The following PRIM2 variants were observed in gnomAD, a reference collection of about 807,000 sequenced individuals.
The protein encoded by PRIM2 is DNA primase subunit 2, also known as DNA primase large subunit.
A neutral mutation model predicts 67.3 loss-of-function variants in PRIM2; 39 were observed. That is an observed-to-expected ratio of 0.58 (90% CI 0.45 to 0.76). The LOEUF (loss-of-function observed/expected upper bound fraction) is 0.76. PRIM2 is among the 30% of genes least tolerant of loss of function. The pLI is 0.00. For synonymous variants in PRIM2, 143 were observed against 198.7 expected (o/e 0.72, Z 2.36); for missense variants, 398 against 598.7 (o/e 0.66, Z 3.50).
At chr6:57,358,911 C>G (rs966532195) in intron 5 of PRIM2, among the ~76,000 whole-genome samples, 4 of 152,132 alleles carry the variant, frequency 2.6e-5, no homozygotes, top group African/African-American at 7.2e-5. Context: ...GTCACCACCC[C>G]TTGAATCTCA....
At chr6:57,504,738 C>T (rs1488677377) in intron 7 of PRIM2, among the ~76,000 whole-genome samples, 2 of 152,028 alleles carry the variant, frequency 1.3e-5, no homozygotes, top group Non-Finnish European at 2.9e-5. Context: ...AAGCCAAAGT[C>T]GATTTAACCT....
At chr6:57,348,345 T>C (rs1768746043) in intron 5 of PRIM2, among the ~76,000 whole-genome samples, 1 of 152,216 alleles carries the variant, frequency 6.6e-6, no homozygotes, top group Admixed American at 6.5e-5. Context: ...AGGCAGTAGG[T>C]AAAAAATATA....
intron 10 of PRIM2, among the ~76,000 whole-genome samples, chr6:57,573,919 A>G (rs1775913601): frequency 6.6e-6 from 1 of 152,024 alleles, no homozygotes; most frequent in Non-Finnish European, 1.5e-5. Flanking sequence ...CTCTTCTGCT[A>G]TGGCTTTGGA....
chr6:57,421,636 T>G (rs1771469909), intron 7 of PRIM2, among the ~76,000 whole-genome samples: 1 of 152,228 alleles, frequency 6.6e-6, no homozygotes, highest in African/African-American at 2.4e-5. Flanking sequence ...TTTACATTTT[T>G]GCCAGACTAT....
In PRIM2 at chr6:57,646,046, C is replaced by T. The variant is rs1208019609; in HGVS notation, c.1418C>T (p.Pro473Leu). 1 of 1,602,908 alleles carries T rather than the reference C, an allele frequency of 6.2e-7. No homozygotes were observed. The highest frequency in any genetic ancestry group is 1.3e-5 in the African/African-American group (1 of 74,642). Residue 473 changes from proline (P) to leucine (L), a missense_variant, in exon 14 of 14, where the codon CCC becomes CTC. Transcript: ENST00000615550. ...CCTATCCAACCAGAAACTCCTCAAC[C>T]CAAACCAAGTGTCCAGAAAACCAAG... ...KEPIQPETPQ[P>L]KPSVQKTKDA...
intron 13 of PRIM2, 39 bp from the exon 14 acceptor site, chr6:57,645,889 G>A: frequency 8.7e-7 from 1 of 1,143,544 alleles, no homozygotes; most frequent in Non-Finnish European, 1.3e-6. Context: ...TTATAGCTTT[G>A]CCATGCATTA....
At chr6:57,549,839 A>C (rs2127474511) in intron 10 of PRIM2, among the ~76,000 whole-genome samples, 1 of 152,276 alleles carries the variant, frequency 6.6e-6, no homozygotes, top group South Asian at 2.1e-4. Context: ...TAATCCCAGC[A>C]CTTTGGGAGG....
intron 10 of PRIM2, among the ~76,000 whole-genome samples, chr6:57,560,067 A>G (rs1775597554): frequency 6.6e-6 from 1 of 152,224 alleles, no homozygotes; most frequent in Non-Finnish European, 1.5e-5. Flanking sequence ...GCTGTTTGAT[A>G]GCATTTTACC....
chr6:57,336,733 T>A (rs866747299), intron 5 of PRIM2, among the ~76,000 whole-genome samples: 2 of 152,076 alleles, frequency 1.3e-5, no homozygotes, highest in Admixed American at 6.5e-5. Flanking sequence ...AAGGAACAAC[T>A]GGTACCAGCC....
the PRIM2 span, among the ~76,000 whole-genome samples, chr6:57,223,437 A>AT: frequency 6.6e-6 from 1 of 152,202 alleles, no homozygotes; most frequent in South Asian, 2.1e-4. Context: ...CTGTACTCTT[A>AT]TGCACATTTT....
chr6:57,301,471 G>A, the PRIM2 span, among the ~76,000 whole-genome samples: 3 of 152,130 alleles, frequency 2.0e-5, no homozygotes, highest in Non-Finnish European at 2.9e-5. Context: ...TGGGCAGCAA[G>A]AGCAAAATTC....
chr6:57,414,235 A>T (rs555893420), intron 7 of PRIM2, among the ~76,000 whole-genome samples: 1 of 152,260 alleles, frequency 6.6e-6, no homozygotes, highest in East Asian at 1.9e-4. Flanking sequence ...TATCTTCTTC[A>T]AAGGATGCAC....
At chr6:57,412,500 C>G (rs1771120368) in intron 7 of PRIM2, among the ~76,000 whole-genome samples, 1 of 151,940 alleles carries the variant, frequency 6.6e-6, no homozygotes, top group East Asian at 1.9e-4. Context: ...TGTCTTGAAG[C>G]TCTTGATACA....
intron 5 of PRIM2, among the ~76,000 whole-genome samples, chr6:57,327,869 G>A (rs1323554974): frequency 2.0e-5 from 3 of 152,158 alleles, no homozygotes; most frequent in Non-Finnish European, 4.4e-5. Flanking sequence ...ACGGACTGAG[G>A]TCGGGGGATG....
At chr6:57,541,382 C>G (rs1261891484) in intron 10 of PRIM2, among the ~76,000 whole-genome samples, 1 of 152,030 alleles carries the variant, frequency 6.6e-6, no homozygotes, top group African/African-American at 2.4e-5. Context: ...AGCTACTGTG[C>G]CTGGCCTATT....
At chr6:57,320,306 G>A in intron 2 of PRIM2, 151 bp from the exon 3 acceptor site, 1 of 542,790 alleles carries the variant, frequency 1.8e-6, no homozygotes, top group Non-Finnish European at 3.3e-6. Flanking sequence ...ATAAGCATAT[G>A]TAGTTTATAT....
chr6:57,482,646 C>T (rs1321516878), intron 7 of PRIM2, among the ~76,000 whole-genome samples: 3 of 151,858 alleles, frequency 2.0e-5, no homozygotes, highest in Non-Finnish European at 4.4e-5. Context: ...CCAGTAGTAC[C>T]GTGAAAGATT....
intron 7 of PRIM2, chr6:57,383,570 T>A (rs965816786): frequency 3.8e-5 from 5 of 132,426 alleles, no homozygotes; most frequent in Non-Finnish European, 8.0e-5. Context: ...AAAGTTTTTC[T>A]TGCTAAAAAA....
intron 5 of PRIM2, among the ~76,000 whole-genome samples, chr6:57,342,197 A>T (rs1267081840): frequency 6.6e-6 from 1 of 152,156 alleles, no homozygotes; most frequent in African/African-American, 2.4e-5. Context: ...AATCCTTATC[A>T]TGTAGTATAG....
Sources: gnomAD v4.1 joint callset for allele counts (sites outside exome capture counted in the v4.1 genomes callset) on GRCh38, gnomAD v4.1.1 for gene constraint, MANE v1.5 for transcripts, NCBI Gene and HGNC (gene_info 2026-07-23, HGNC 2026-07-21) for gene names.